PTPRN2: variants seen among roughly 807,000 people sequenced by gnomAD.
PTPRN2 encodes receptor-type tyrosine-protein phosphatase N2.
In PTPRN2, 74 loss-of-function variants were observed where a neutral mutation model predicts 118.8. That is an observed-to-expected ratio of 0.62 (90% CI 0.52 to 0.76). The LOEUF is 0.76. Among genes scored for constraint, PTPRN2 ranks in the 30% least tolerant of loss-of-function variants. PTPRN2 has a pLI of 0.00. For synonymous variants in PTPRN2, 641 were observed against 608.0 expected, an observed-to-expected ratio of 1.05 and a Z score of -0.80; for missense variants, 1,481 against 1,394.4, an observed-to-expected ratio of 1.06 and a Z score of -0.99.
At chr7:158,332,324 A>T (rs1191037008) in intron 2 of PTPRN2, among the ~76,000 whole-genome samples, 27 of 47,956 alleles carry the variant, frequency 5.6e-4, no homozygotes, top group Admixed American at 1.2e-3. Context: ...CTCTCACCAT[A>T]AGAGCTGAGG....
intron 1 of PTPRN2, among the ~76,000 whole-genome samples, chr7:158,560,985 A>G (rs1161205939): frequency 2.0e-5 from 3 of 152,224 alleles, no homozygotes; most frequent in South Asian, 2.1e-4. Context: ...GCATGTCAAT[A>G]AGGCCCATTC....
intron 12 of PTPRN2, among the ~76,000 whole-genome samples, chr7:157,752,235 G>A (rs1801514836): frequency 6.6e-6 from 1 of 152,184 alleles, no homozygotes; most frequent in East Asian, 1.9e-4. Context: ...AAGACAGGTC[G>A]GCCATCACGG....
At chr7:158,084,625 G>A (rs905036966) in intron 10 of PTPRN2, among the ~76,000 whole-genome samples, 3 of 151,304 alleles carry the variant, frequency 2.0e-5, no homozygotes, top group African/African-American at 7.3e-5. Flanking sequence ...CACCCAGGAC[G>A]CCCATCCACA....
At chr7:158,491,998 G>A (rs1303442311) in intron 1 of PTPRN2, among the ~76,000 whole-genome samples, 1 of 152,118 alleles carries the variant, frequency 6.6e-6, no homozygotes, top group African/African-American at 2.4e-5. Flanking sequence ...CAAAAGCAGT[G>A]ACCTTGAAAA....
At chr7:158,045,932 C>T (rs1808824309) in intron 11 of PTPRN2, among the ~76,000 whole-genome samples, 2 of 149,474 alleles carry the variant, frequency 1.3e-5, no homozygotes, top group Admixed American at 1.3e-4. Context: ...GTGTTCTGTC[C>T]AGGAGCAGAA....
intron 21 of PTPRN2, among the ~76,000 whole-genome samples, chr7:157,555,147 T>C (rs995088751): frequency 6.6e-6 from 1 of 152,264 alleles, no homozygotes; most frequent in Non-Finnish European, 1.5e-5. Flanking sequence ...GAATGGCCAC[T>C]GGGTACCATC....
intron 3 of PTPRN2, among the ~76,000 whole-genome samples, chr7:158,315,839 C>A (rs1385433938): frequency 6.6e-6 from 1 of 152,246 alleles, no homozygotes; most frequent in Non-Finnish European, 1.5e-5. Flanking sequence ...CAAAGAGTGA[C>A]CTCAGCAGAG....
At chr7:157,682,590 T>C (rs1463589630) in intron 13 of PTPRN2, 135 bp downstream of exon 13, 4 of 880,020 alleles carry the variant, frequency 4.5e-6, no homozygotes, top group Middle Eastern at 3.3e-4. Context: ...AGTTCCAAAC[T>C]GTCCTCATAA....
At chr7:157,567,167 A>G (rs183439411) in intron 21 of PTPRN2, among the ~76,000 whole-genome samples, 48 of 152,368 alleles carry the variant, frequency 3.2e-4, no homozygotes, top group Admixed American at 3.0e-3. Context: ...GAAATATTTG[A>G]CAAGACACAG....
intron 22 of PTPRN2, 57 bp from the exon 23 acceptor site, chr7:157,540,842 C>A: frequency 7.1e-7 from 1 of 1,404,148 alleles, no homozygotes; most frequent in Non-Finnish European, 9.8e-7. Context: ...CCGACTCCTG[C>A]CACAGCGTCG....
At chr7:157,786,573 C>T (rs897130305) in intron 12 of PTPRN2, among the ~76,000 whole-genome samples, 14 of 152,144 alleles carry the variant, frequency 9.2e-5, no homozygotes, top group African/African-American at 2.4e-4. Context: ...TAGTTGGTGA[C>T]GGGGTGAGGA....
intron 2 of PTPRN2, among the ~76,000 whole-genome samples, chr7:158,388,113 G>A (rs1448193461): frequency 6.6e-6 from 1 of 151,982 alleles, no homozygotes; most frequent in Non-Finnish European, 1.5e-5. Flanking sequence ...CCGACCCCAG[G>A]ATGTAGCCAC....
chr7:158,535,989 GACCT>G (rs965884017), intron 1 of PTPRN2, among the ~76,000 whole-genome samples: 1 of 149,314 alleles, frequency 6.7e-6, no homozygotes, highest in African/African-American at 2.5e-5. Context: ...AAAAGGTTGG[GACCT>G]TACTAACCAG....
At chr7:158,244,131 G>C (rs773809249) in intron 3 of PTPRN2, among the ~76,000 whole-genome samples, 6 of 152,206 alleles carry the variant, frequency 3.9e-5, no homozygotes, top group Non-Finnish European at 8.8e-5. Context: ...TCCCTGGGAA[G>C]AGAACAAGCT....
At chr7:157,819,332 T>C (rs1806645534) in intron 12 of PTPRN2, among the ~76,000 whole-genome samples, 1 of 152,114 alleles carries the variant, frequency 6.6e-6, no homozygotes, top group African/African-American at 2.4e-5. Flanking sequence ...TAAGTGAGAT[T>C]TTTAACAGGC....
intron 2 of PTPRN2, among the ~76,000 whole-genome samples, chr7:158,329,978 A>T (rs947006872): frequency 6.6e-6 from 1 of 152,092 alleles, no homozygotes; most frequent in Non-Finnish European, 1.5e-5. Flanking sequence ...GACTCTCACC[A>T]TAAGAGCTCA....
intron 6 of PTPRN2, among the ~76,000 whole-genome samples, chr7:158,143,201 T>G (rs568153589): frequency 6.6e-6 from 1 of 152,262 alleles, no homozygotes; most frequent in South Asian, 2.1e-4. Flanking sequence ...AATAAGGAAG[T>G]GCAGGGATCG....
At chr7:157,941,650 G>A (rs1421291472) in intron 11 of PTPRN2, among the ~76,000 whole-genome samples, 1 of 152,234 alleles carries the variant, frequency 6.6e-6, no homozygotes, top group African/African-American at 2.4e-5. Context: ...GTCCATGCAT[G>A]TGTATAAAAG....
In PTPRN2 at chr7:157,598,145, A is replaced by G. The variant is rs1409997780; in HGVS notation, c.2419-2830T>C. Among the ~76,000 whole-genome samples the G allele has an allele frequency of 1.3e-5, 2 of 152,198 alleles. No individual in the cohort carries two copies. Among genetic ancestry groups the G allele is most frequent in the African/African-American group, 2.4e-5 (1 of 41,440 alleles). On this transcript the variant is annotated intron_variant, in intron 16 of 22. Coordinates refer to ENST00000389418, the MANE Select transcript of PTPRN2 (RefSeq NM_002847.5). The surrounding 1 kb of genome is among the most constrained non-coding windows in gnomAD (Gnocchi z 5.2). ...GTTTCTACTAACATTGCTTTTTCCA[A>G]TGAGGGCATCTGCGTGACAACCGGA...
Sources: allele counts gnomAD v4.1 joint callset (sites outside exome capture counted in the v4.1 genomes callset), GRCh38; gene constraint gnomAD v4.1.1; non-coding constraint Gnocchi (gnomAD v3.1); transcripts MANE v1.5; gene names NCBI Gene and HGNC (gene_info 2026-07-23, HGNC 2026-07-21).